Variants in CNTNAP4 observed in about 807,000 individuals in gnomAD.
CNTNAP4 encodes the protein contactin associated protein family member 4.
CNTNAP4 carries 98 observed loss-of-function variants against 148.4 expected under a neutral mutation model. The observed-to-expected ratio is 0.66, with a 90% CI of 0.56 to 0.78. CNTNAP4 has a LOEUF of 0.78. Among genes scored for constraint, CNTNAP4 ranks in the 30% least tolerant of loss-of-function variants. The probability of loss-of-function intolerance (pLI) is 0.00; values close to 1 mark genes in which losing one functional copy is unlikely to be tolerated. For synonymous variants in CNTNAP4, 730 were observed against 565.1 expected (o/e 1.29, Z -4.14); for missense variants, 1,935 against 1,565.6 (o/e 1.24, Z -3.98).
chr16:76,465,450 C>G (rs2081141067), intron 9 of CNTNAP4, among the ~76,000 whole-genome samples: 1 of 152,142 alleles, frequency 6.6e-6, no homozygotes, highest in Admixed American at 6.5e-5. Context: ...ATTCCATGAT[C>G]TTTCCTGGTG....
rs866719705 is a variant in CNTNAP4, at chr16:76,277,745, C to T, written c.83C>T (p.Ser28Phe). 6.3e-7 allele frequency: 1 copy of T among 1,578,278 alleles called. No homozygotes were observed. Among genetic ancestry groups the T allele is most frequent in the African/African-American group, 1.3e-5 (1 of 74,412 alleles). ...QNWNRVEAGN[S>F]YDCDDPLVSA... ...TGGAACAGAGTCGAAGCTGGGAATT[C>T]CTGTAAGTATACAGCAAATGATTTA... The change falls in exon 1 of 24, where the codon TCC (serine) becomes TTC (phenylalanine). Residue 28 changes from serine (S) to phenylalanine (F), a missense_variant and splice_region_variant. Coordinates refer to ENST00000611870, the MANE Select transcript of CNTNAP4 (RefSeq NM_033401.5).
intron 3 of CNTNAP4, among the ~76,000 whole-genome samples, chr16:76,397,980 A>T (rs1267768460): frequency 1.4e-5 from 1 of 71,078 alleles, no homozygotes; most frequent in Non-Finnish European, 2.6e-5. Context: ...ATATATATAT[A>T]TATATATATA....
chr16:76,363,476 G>C (rs12935231), intron 3 of CNTNAP4, among the ~76,000 whole-genome samples: 15 of 151,804 alleles, frequency 9.9e-5, no homozygotes, highest in Non-Finnish European at 1.9e-4. Context: ...CCCTTATACC[G>C]TATGCAAAAA....
intron 18 of CNTNAP4, among the ~76,000 whole-genome samples, chr16:76,536,331 G>A (rs1344265654): frequency 1.3e-5 from 2 of 152,136 alleles, no homozygotes; most frequent in African/African-American, 4.8e-5. Flanking sequence ...GAGTAGCTGG[G>A]CTTACAGGAG....
At chr16:76,495,111 A>G (rs1327284464) in intron 14 of CNTNAP4, 45 bp downstream of exon 14, 1 of 1,601,354 alleles carries the variant, frequency 6.2e-7, no homozygotes, top group Admixed American at 1.7e-5. Context: ...GTTCATTTAA[A>G]AAAATTAATC....
At chr16:76,489,386 C>G (rs1034879405) in intron 12 of CNTNAP4, among the ~76,000 whole-genome samples, 1 of 151,952 alleles carries the variant, frequency 6.6e-6, no homozygotes, top group Admixed American at 6.5e-5. Context: ...AAATACATCA[C>G]AAAAATAATC....
At chr16:76,413,581 A>G (rs2078875648) in intron 3 of CNTNAP4, among the ~76,000 whole-genome samples, 1 of 150,540 alleles carries the variant, frequency 6.6e-6, no homozygotes, top group South Asian at 2.1e-4. Flanking sequence ...AAACCCTCCA[A>G]CTTTGTTTTT....
chr16:76,470,135 G>A (rs1197942918), intron 10 of CNTNAP4, among the ~76,000 whole-genome samples: 1 of 152,082 alleles, frequency 6.6e-6, no homozygotes, highest in Non-Finnish European at 1.5e-5. Flanking sequence ...GATGCACAGA[G>A]AGAATAAGTT....
chr16:76,372,517 T>G (rs1434099206), intron 3 of CNTNAP4, among the ~76,000 whole-genome samples: 4 of 152,108 alleles, frequency 2.6e-5, no homozygotes, highest in Non-Finnish European at 5.9e-5. Context: ...GGACCCAATG[T>G]GAGATAATTG....
At chr16:76,368,847 T>TA (rs2014462516) in intron 3 of CNTNAP4, among the ~76,000 whole-genome samples, 1 of 152,066 alleles carries the variant, frequency 6.6e-6, no homozygotes, top group Non-Finnish European at 1.5e-5. Flanking sequence ...ATTAATTAAA[T>TA]TAAAAATAAA....
chr16:76,472,112 T>G (rs891702342), intron 10 of CNTNAP4, among the ~76,000 whole-genome samples: 2 of 152,076 alleles, frequency 1.3e-5, no homozygotes, highest in African/African-American at 4.8e-5. Flanking sequence ...AAGGAAAAGC[T>G]TTCGTGGCTA....
intron 13 of CNTNAP4, among the ~76,000 whole-genome samples, chr16:76,493,379 A>C (rs2082293402): frequency 6.6e-6 from 1 of 152,092 alleles, no homozygotes; most frequent in African/African-American, 2.4e-5. Context: ...TTAGGAAAGT[A>C]ATTATGGGAG....
At chr16:76,380,823 G>T (rs2015894023) in intron 3 of CNTNAP4, among the ~76,000 whole-genome samples, 1 of 152,142 alleles carries the variant, frequency 6.6e-6, no homozygotes, top group South Asian at 2.1e-4. Context: ...TGCTCAGGAA[G>T]TCATATATAT....
intron 23 of CNTNAP4, among the ~76,000 whole-genome samples, chr16:76,556,175 A>C (rs755057224): frequency 2.0e-5 from 3 of 152,076 alleles, no homozygotes; most frequent in Non-Finnish European, 4.4e-5. Context: ...TTTATTTAAT[A>C]ATACATTTAA....
intron 15 of CNTNAP4, among the ~76,000 whole-genome samples, chr16:76,512,365 A>G (rs533731467): frequency 9.2e-5 from 14 of 152,274 alleles, no homozygotes; most frequent in Middle Eastern, 3.4e-3. Context: ...CTGAGAAATT[A>G]TGGTAGCTTG....
chr16:76,488,295 C>T (rs965348188), intron 12 of CNTNAP4, among the ~76,000 whole-genome samples: 2 of 152,144 alleles, frequency 1.3e-5, no homozygotes, highest in African/African-American at 4.8e-5. Context: ...GCTGGCCACC[C>T]GTAATTTCAT....
At chr16:76,280,215 A>T (rs1958634437) in intron 1 of CNTNAP4, among the ~76,000 whole-genome samples, 1 of 152,212 alleles carries the variant, frequency 6.6e-6, no homozygotes. Context: ...AGTCAGCCCA[A>T]GGTTGCCAGT....
intron 3 of CNTNAP4, among the ~76,000 whole-genome samples, chr16:76,363,222 A>C (rs1228685700): frequency 2.0e-5 from 3 of 149,374 alleles, no homozygotes; most frequent in Non-Finnish European, 4.4e-5. Flanking sequence ...GTGCAGTGGC[A>C]GTGGATCCCG....
At chr16:76,491,883 T>G (rs552147948) in intron 13 of CNTNAP4, among the ~76,000 whole-genome samples, 1 of 152,294 alleles carries the variant, frequency 6.6e-6, no homozygotes, top group Non-Finnish European at 1.5e-5. Flanking sequence ...ACATTTTCTT[T>G]ATCCATTCAT....
Sources: gnomAD v4.1 joint callset for allele counts (sites outside exome capture counted in the v4.1 genomes callset) on GRCh38, gnomAD v4.1.1 for gene constraint, MANE v1.5 for transcripts, NCBI Gene and HGNC (gene_info 2026-07-23, HGNC 2026-07-21) for gene names.